Variants in NBEA observed in about 807,000 individuals in gnomAD.
The protein encoded by NBEA is lysosomal-trafficking regulator 2.
Under a neutral mutation model 343.4 loss-of-function variants are expected in NBEA, and 44 were observed. That is an observed-to-expected ratio of 0.13 (90% CI 0.10 to 0.16). The LOEUF (loss-of-function observed/expected upper bound fraction) is 0.16, where lower values mean the gene tolerates loss of function less well. Ranked by LOEUF, NBEA falls within the 10% of genes least tolerant of loss-of-function variation. The pLI is 1.00. For missense variants in NBEA, 2,555 were observed against 3,631.3 expected, an observed-to-expected ratio of 0.70 and a Z score of 7.62; for synonymous variants, 1,175 against 1,238.7, an observed-to-expected ratio of 0.95 and a Z score of 1.08.
chr13:35,554,089 G>A (rs927759800), intron 43 of NBEA, among the ~76,000 whole-genome samples: 2 of 152,106 alleles, frequency 1.3e-5, no homozygotes, highest in African/African-American at 4.8e-5. Context: ...GGTTATTTAA[G>A]AATGAAATAT....
chr13:35,652,526 A>G (rs1194740083), intron 53 of NBEA, among the ~76,000 whole-genome samples: 1 of 149,398 alleles, frequency 6.7e-6, no homozygotes, highest in Non-Finnish European at 1.5e-5. Context: ...CTGTAGTCCC[A>G]GCTACTCGGG....
rs117341009 is a variant in NBEA at position 34,966,542 on chromosome 13, G to A, written c.294+23428G>A. Among the ~76,000 whole-genome samples the A allele has an allele frequency of 2.3e-3, 353 of 151,140 alleles. 1 individual carries two copies. Among genetic ancestry groups the A allele is most frequent in the Non-Finnish European group, 3.9e-3 (262 of 67,852 alleles). On this transcript the variant is annotated intron_variant, in intron 1 of 58. Coordinates refer to ENST00000379939, the MANE Select transcript of NBEA (RefSeq NM_001385012.1). ...GTAAATAACTTGGCCTTTGTGGTAT[G>A]ACTAATCTGAATCCAAATCCTGGTC...
Position 35,379,367 on chromosome 13 carries a change from A to G in NBEA, c.6179+27044A>G, listed in dbSNP as rs116495444. The stretch of plus-strand genomic sequence containing the variant: ...CCCTATCTTCTTTTGTCAAATGTTT[A>G]TATAAGCCTTTGGTCCATTGTTCTA... On this transcript the variant is annotated intron_variant, in intron 38 of 58. Coordinates refer to ENST00000379939, the MANE Select transcript of NBEA (RefSeq NM_001385012.1). 8.8e-3 allele frequency among the ~76,000 whole-genome samples: 1,345 copies of G among 152,230 alleles called. 21 individuals are homozygous for G. Among genetic ancestry groups the G allele is most frequent in the African/African-American group, 0.031 (1,279 of 41,542 alleles).
At chr13:35,197,119 T>C (rs1048720200) in intron 31 of NBEA, among the ~76,000 whole-genome samples, 4 of 152,292 alleles carry the variant, frequency 2.6e-5, no homozygotes, top group Admixed American at 2.0e-4. Flanking sequence ...AGAAGAATAT[T>C]TTAGTCACTA....
At chr13:35,093,154 G>C (rs1395647146) in intron 10 of NBEA, among the ~76,000 whole-genome samples, 1 of 151,954 alleles carries the variant, frequency 6.6e-6, no homozygotes, top group African/African-American at 2.4e-5. Context: ...AGAGAAAAGG[G>C]ATAAGTACTA....
chr13:35,152,909 C>T (rs1309843396), intron 18 of NBEA, among the ~76,000 whole-genome samples: 1 of 152,062 alleles, frequency 6.6e-6, no homozygotes, highest in Non-Finnish European at 1.5e-5. Context: ...TATCTCTTAC[C>T]AATCCAGTCA....
intron 33 of NBEA, among the ~76,000 whole-genome samples, chr13:35,214,675 A>G (rs1247471101): frequency 6.6e-6 from 1 of 151,780 alleles, no homozygotes; most frequent in Non-Finnish European, 1.5e-5. Context: ...ATTGTTAATA[A>G]CAAAAGTTTC....
chr13:35,276,472 A>G (rs780778961), intron 34 of NBEA, among the ~76,000 whole-genome samples: 2 of 152,190 alleles, frequency 1.3e-5, no homozygotes, highest in South Asian at 2.1e-4. Flanking sequence ...GAGGGCATAC[A>G]TGTAACTTCT....
At chr13:35,214,587 CAT>C (rs2073961249) in intron 33 of NBEA, among the ~76,000 whole-genome samples, 1 of 151,552 alleles carries the variant, frequency 6.6e-6, no homozygotes, top group South Asian at 2.1e-4. Context: ...ATATATTCTT[CAT>C]ATATGTCCTT....
chr13:35,113,038 G>T (rs1009663415), intron 13 of NBEA, among the ~76,000 whole-genome samples: 9 of 152,056 alleles, frequency 5.9e-5, no homozygotes, highest in African/African-American at 2.2e-4. Context: ...GTCTGTTGAG[G>T]ATCGTATGTT....
chr13:34,980,633 T>A (rs1378949152), intron 1 of NBEA, among the ~76,000 whole-genome samples: 2 of 151,994 alleles, frequency 1.3e-5, no homozygotes, highest in Admixed American at 1.3e-4. Context: ...TTATATTTAA[T>A]ACAGTGTTGA....
Position 35,148,469 on chromosome 13 carries a change from C to G in NBEA, c.2445+6092C>G, listed in dbSNP as rs186535619. Among the ~76,000 whole-genome samples the G allele has an allele frequency of 8.5e-5, 13 of 152,122 alleles. No individual in the cohort carries two copies. The East Asian group carries it at 2.5e-3, about 29-fold the overall frequency. On this transcript the variant is annotated intron_variant, in intron 18 of 58. Transcript: ENST00000379939. ...ACAGCAGCACAGAGAAATTTAACTC[C>G]CCTCTGTTGTTCTTTTTATTACAAG...
intron 8 of NBEA, among the ~76,000 whole-genome samples, chr13:35,067,300 ACTTTG>A (rs1399958217): frequency 6.6e-6 from 1 of 152,066 alleles, no homozygotes; most frequent in Non-Finnish European, 1.5e-5. Flanking sequence ...GCTCAGTACA[ACTTTG>A]CTTCCATCTA....
chr13:35,663,218 T>A (rs1336125583), intron 55 of NBEA, among the ~76,000 whole-genome samples: 1 of 152,214 alleles, frequency 6.6e-6, no homozygotes, highest in Non-Finnish European at 1.5e-5. Context: ...TTATTCCTTC[T>A]GCCTAACTTT....
intron 36 of NBEA, among the ~76,000 whole-genome samples, chr13:35,338,539 A>C (rs2152854875): frequency 6.6e-6 from 1 of 152,206 alleles, no homozygotes; most frequent in East Asian, 1.9e-4. Context: ...ATTTGAGACG[A>C]AAGAGAATCA....
At chr13:35,456,739 G>C (rs561108311) in intron 40 of NBEA, among the ~76,000 whole-genome samples, 1 of 151,884 alleles carries the variant, frequency 6.6e-6, no homozygotes, top group South Asian at 2.1e-4. Context: ...ATTTCTTTTA[G>C]AATGGTAGTT....
chr13:35,617,319 A>G (rs1196431401), intron 48 of NBEA, among the ~76,000 whole-genome samples: 2 of 152,210 alleles, frequency 1.3e-5, no homozygotes, highest in African/African-American at 2.4e-5. Flanking sequence ...CTGCATATTC[A>G]GGATAATTAA....
rs1324657500 is a variant in NBEA at position 35,182,379 on chromosome 13, A to C, written c.4682A>C (p.Gln1561Pro). The change falls in exon 29 of 59, where the codon CAG becomes CCG. Residue 1561 changes from glutamine to proline, a missense_variant. Physicochemically the swap from Gln to Pro is moderately conservative, Grantham distance 76 (BLOSUM62 -1). This residue lies in a region of NBEA where 168 missense variants were observed against 193.0 expected (regional missense o/e 0.87). Transcript: ENST00000379939. Reference protein sequence around the residue: ...FRDVDDSKQAQFLALAVVYFI... With the variant: ...FRDVDDSKQAPFLALAVVYFI... ...TCATAGGATGATAGCAAACAAGCAC[A>C]GTTCTTAGCTCTGGCTGTTGTTTAC... 6.2e-7 allele frequency: 1 copy of C among 1,605,768 alleles called. No homozygotes were observed. The highest frequency in any genetic ancestry group is 8.5e-7 in the Non-Finnish European group (1 of 1,176,500).
At chr13:35,646,186 C>A in intron 50 of NBEA, 73 bp from the exon 51 acceptor site, 3 of 1,154,586 alleles carry the variant, frequency 2.6e-6, no homozygotes, top group Non-Finnish European at 3.8e-6. Flanking sequence ...GATACACTTG[C>A]GTTGTCAAAG....
Sources: allele counts gnomAD v4.1 joint callset (sites outside exome capture counted in the v4.1 genomes callset), GRCh38; gene constraint gnomAD v4.1.1; regional missense constraint gnomAD v4.1.1; transcripts MANE v1.5; gene names NCBI Gene and HGNC (gene_info 2026-07-23, HGNC 2026-07-21).